The following RPS29 variants were observed in gnomAD, a reference collection of about 807,000 sequenced individuals.
The protein encoded by RPS29 is small ribosomal subunit protein uS14.
For missense variants in RPS29, 60 were observed against 75.7 expected, an observed-to-expected ratio of 0.79 and a Z score of 0.77; for synonymous variants, 37 against 26.9, an observed-to-expected ratio of 1.37 and a Z score of -1.16.
chr14:49,593,258 T>G (rs989738734), intron 1 of RPS29, among the ~76,000 whole-genome samples: 2 of 152,322 alleles, frequency 1.3e-5, no homozygotes, highest in African/African-American at 4.8e-5. Context: ...ATATAACCAC[T>G]ATGCTAGGCT....
At chr14:49,579,240 T>C (rs189526165), downstream of RPS29, among the ~76,000 whole-genome samples, 1 of 152,288 alleles carries the variant, frequency 6.6e-6, no homozygotes, top group East Asian at 1.9e-4. Context: ...GAAGGCACCA[T>C]TTATGAGTCA....
At chr14:49,586,256 C>T (rs369344920) in intron 1 of RPS29, 29 bp downstream of exon 1, 1 of 1,610,408 alleles carries the variant, frequency 6.2e-7, no homozygotes, top group Non-Finnish European at 8.5e-7. Flanking sequence ...CACGGCAACG[C>T]TTCCCCAAAA....
intron 2 of RPS29, chr14:49,585,702 GGCTAA>G (rs1380068041): frequency 4.0e-6 from 2 of 505,134 alleles, no homozygotes; most frequent in East Asian, 3.0e-5. Context: ...ACCTAAAACT[GGCTAA>G]GCTATCTAGG....
chr14:49,575,257 G>A (rs532881083), exon 3 of RPS29: 1 of 152,344 alleles, frequency 6.6e-6, no homozygotes, highest in African/African-American at 2.4e-5. Flanking sequence ...TGGCCAGGCT[G>A]GTCTTTAACT....
chr14:49,581,355 G>A (rs1169370788), downstream of RPS29, among the ~76,000 whole-genome samples: 1 of 152,074 alleles, frequency 6.6e-6, no homozygotes, highest in East Asian at 1.9e-4. Flanking sequence ...GATCACTCAC[G>A]TCACTGCTTA....
intron 1 of RPS29, among the ~76,000 whole-genome samples, chr14:49,593,026 G>C (rs1881748958): frequency 6.6e-6 from 1 of 151,940 alleles, no homozygotes; most frequent in Non-Finnish European, 1.5e-5. Flanking sequence ...TTTAAATCTT[G>C]AAACCACCTA....
At position 49,592,737 on chromosome 14, in the gene RPS29, C is replaced by T. The variant is rs1024845854; in HGVS notation, c.-133+5663G>A. On this transcript the variant is annotated intron_variant, in intron 1 of 3. Transcript: ENST00000556230. ...CAGCCTGACCAACATGGAGAAACCA[C>T]GTGTCTACGAAAAACACAAAATTAG... Among the ~76,000 whole-genome samples, 3 of 150,198 alleles carry T rather than the reference C, an allele frequency of 2.0e-5. No homozygotes were observed. In the South Asian group the frequency reaches 6.3e-4, roughly 32 times the overall value.
intron 1 of RPS29, chr14:49,592,394 T>C (rs1594577933): frequency 7.1e-6 from 1 of 140,916 alleles, no homozygotes; most frequent in South Asian, 2.3e-4. Flanking sequence ...TGAGACGGAG[T>C]TTCACTCTTG....
At chr14:49,586,384 C>G (rs79390224), upstream of RPS29, 10 of 1,580,018 alleles carry the variant, frequency 6.3e-6, no homozygotes, top group Admixed American at 5.0e-5. Context: ...AAGGAAGAAG[C>G]TGGCCCACGC....
At chr14:49,591,609 GC>G in intron 1 of RPS29, among the ~76,000 whole-genome samples, 1 of 145,652 alleles carries the variant, frequency 6.9e-6, no homozygotes, top group East Asian at 2.0e-4. Context: ...ACCATGCCTG[GC>G]CCAATTTGAT....
upstream of RPS29, among the ~76,000 whole-genome samples, chr14:49,588,607 A>G (rs1881644223): frequency 6.6e-6 from 1 of 151,832 alleles, no homozygotes; most frequent in Non-Finnish European, 1.5e-5. Context: ...GGCTAACTGC[A>G]ACCTGCACCT....
intron 2 of RPS29, 129 bp downstream of exon 2, chr14:49,585,821 G>A (rs1190404506): frequency 2.9e-6 from 2 of 686,952 alleles, no homozygotes; most frequent in Non-Finnish European, 5.1e-6. Context: ...AAAAAAAGAG[G>A]AAAAGCTCTT....
intron 2 of RPS29, among the ~76,000 whole-genome samples, chr14:49,578,233 A>G (rs1881239765): frequency 2.0e-5 from 3 of 152,162 alleles, no homozygotes; most frequent in South Asian, 2.1e-4. Context: ...ACTTACCATC[A>G]AAGCAATCTA....
chr14:49,578,588 T>C (rs1433541938), downstream of RPS29, among the ~76,000 whole-genome samples: 1 of 85,468 alleles, frequency 1.2e-5, no homozygotes, highest in Non-Finnish European at 2.4e-5. Flanking sequence ...TGAGACAGGG[T>C]CTCACTCTGT....
chr14:49,575,862 T>C (rs761363950), exon 3 of RPS29: 5 of 152,186 alleles, frequency 3.3e-5, no homozygotes, highest in Non-Finnish European at 7.4e-5. Context: ...AAAATTAAAA[T>C]AAATTCTAAT....
chr14:49,585,219 T>G (rs924477346), intron 2 of RPS29: 1 of 151,892 alleles, frequency 6.6e-6, no homozygotes, highest in Non-Finnish European at 1.5e-5. Context: ...AATAAAAAAA[T>G]TAGCCGGACA....
downstream of RPS29, among the ~76,000 whole-genome samples, chr14:49,581,824 T>C (rs907114981): frequency 2.0e-5 from 3 of 150,502 alleles, no homozygotes; most frequent in East Asian, 2.0e-4. Context: ...AACCCAGGAG[T>C]TCAAGACCAG....
rs548518480 is a variant in RPS29, at chr14:49,583,600, T to C, written c.*67A>G. 1 of 1,548,568 alleles carries C rather than the reference T, an allele frequency of 6.5e-7. No individual in the cohort carries two copies. The highest frequency in any genetic ancestry group is 2.3e-5 in the East Asian group (1 of 44,348). The stretch of plus-strand genomic sequence containing the variant: ...AGGGTTTTTTCAAATGTTTATTTTA[T>C]ATACAAAGAATTATCATGGTTTTTC... On this transcript the variant is annotated 3_prime_UTR_variant, in exon 3 of 3. Coordinates refer to ENST00000245458, the MANE Select transcript of RPS29 (RefSeq NM_001032.5).
intron 2 of RPS29, among the ~76,000 whole-genome samples, chr14:49,584,617 G>A (rs1440220512): frequency 6.6e-6 from 1 of 152,004 alleles, no homozygotes; most frequent in African/African-American, 2.4e-5. Context: ...AATAAAAATA[G>A]GCCGGGCGTG....
Sources: allele counts gnomAD v4.1 joint callset (sites outside exome capture counted in the v4.1 genomes callset), GRCh38; gene constraint gnomAD v4.1.1; transcripts MANE v1.5; gene names NCBI Gene and HGNC (gene_info 2026-07-23, HGNC 2026-07-21).